The following IYD variants were observed in gnomAD, a reference collection of about 807,000 sequenced individuals.
The protein encoded by IYD is iodotyrosine deiodinase.
Under a neutral mutation model 28.4 loss-of-function variants are expected in IYD, and 25 were observed. The observed-to-expected ratio is 0.88, with a 90% CI of 0.64 to 1.23. The LOEUF is 1.23. Ranked by LOEUF, IYD falls within the 50% of genes most tolerant of loss-of-function variation. The pLI is 0.00. For missense variants in IYD, 352 were observed against 357.9 expected, an observed-to-expected ratio of 0.98 and a Z score of 0.13; for synonymous variants, 140 against 130.8, an observed-to-expected ratio of 1.07 and a Z score of -0.48.
intron 3 of IYD, among the ~76,000 whole-genome samples, chr6:150,393,060 G>A (rs978935873): frequency 6.6e-6 from 1 of 152,228 alleles, no homozygotes. Flanking sequence ...GGTTCATCCA[G>A]TGAGTCAGGA....
intron 1 of IYD, among the ~76,000 whole-genome samples, chr6:150,386,270 T>A (rs1291398277): frequency 6.6e-6 from 1 of 152,140 alleles, no homozygotes; most frequent in Non-Finnish European, 1.5e-5. Flanking sequence ...CCTCTAAATA[T>A]AATATGTTAA....
Position 150,388,630 on chromosome 6 carries a change from G to GCTTTCTTTCTTTCTTTCTTTCTTT in IYD, c.179-690_179-667dup, listed in dbSNP as rs71010894. On this transcript the variant is annotated intron_variant, in intron 1 of 4. Coordinates refer to ENST00000344419, the MANE Select transcript of IYD (RefSeq NM_203395.3). The stretch of plus-strand genomic sequence containing the variant: ...TCTAGATTTATAGTCTGGAGTTTTT[G>GCTTTCTTTCTTTCTTTCTTTCTTT]CTTTCTTTCTTTCTTTCTTTCTTTC... Among the ~76,000 whole-genome samples the GCTTTCTTTCTTTCTTTCTTTCTTT allele has an allele frequency of 8.6e-4, 111 of 129,392 alleles. 1 individual carries two copies. Among genetic ancestry groups the GCTTTCTTTCTTTCTTTCTTTCTTT allele is most frequent in the East Asian group, 3.4e-3 (14 of 4,156 alleles). 84.9% of individuals were successfully genotyped at this position (129,392 alleles called of 152,430 possible). A position where few individuals can be genotyped will look rare whatever the true frequency, so the allele number is the denominator to read the frequency against.
chr6:150,390,707 G>A (rs771552075), intron 2 of IYD, among the ~76,000 whole-genome samples: 3 of 152,256 alleles, frequency 2.0e-5, no homozygotes, highest in Non-Finnish European at 2.9e-5. Flanking sequence ...AGTCACTGTG[G>A]TCTCCCCTTG....
intron 1 of IYD, among the ~76,000 whole-genome samples, chr6:150,383,804 A>AAC (rs1353344838): frequency 5.1e-5 from 3 of 58,770 alleles, no homozygotes; most frequent in African/African-American, 3.0e-4. Flanking sequence ...AAAAAAAAAA[A>AAC]AAAACAAAAA....
At position 150,369,045 on chromosome 6, in the gene IYD, C is replaced by A; in HGVS notation, c.14C>A (p.Thr5Asn). The A allele has an allele frequency of 6.2e-7, 1 of 1,614,018 alleles. No homozygotes were observed. Among genetic ancestry groups the A allele is most frequent in the Non-Finnish European group, 8.5e-7 (1 of 1,179,974 alleles). MYFLTPILVAILCIL... is the reference protein window; with the variant it reads MYFLNPILVAILCIL... ...AGACTCCAGACCATGTATTTCCTGACTCCCATCTTGGTAGCCATTCTCTGC... is the reference window on the plus strand; with the variant it reads ...AGACTCCAGACCATGTATTTCCTGAATCCCATCTTGGTAGCCATTCTCTGC... The change falls in exon 1 of 5, where the codon ACT (threonine) becomes AAT (asparagine). Residue 5 changes from threonine to asparagine, a missense_variant. Thr to Asn is a moderately conservative substitution (Grantham distance 65). Coordinates refer to ENST00000344419, the MANE Select transcript of IYD (RefSeq NM_203395.3).
At chr6:150,388,630 GCTTTCTTTCTTT>G (rs71010894) in intron 1 of IYD, among the ~76,000 whole-genome samples, 99 of 129,404 alleles carry the variant, frequency 7.7e-4, no homozygotes, top group Middle Eastern at 3.8e-3. Flanking sequence ...TGGAGTTTTT[GCTTTCTTTCTTT>G]CTTTCTTTCT....
At chr6:150,376,086 C>T (rs1777434410) in intron 1 of IYD, among the ~76,000 whole-genome samples, 1 of 152,162 alleles carries the variant, frequency 6.6e-6, no homozygotes, top group Admixed American at 6.5e-5. Context: ...GATTCCTTGG[C>T]ATTAAAGCGA....
intron 1 of IYD, 47 bp from the exon 2 acceptor site, chr6:150,389,305 G>T: frequency 1.3e-6 from 2 of 1,487,450 alleles, no homozygotes; most frequent in South Asian, 2.3e-5. Flanking sequence ...GTCACCTTAT[G>T]ACCAAGGGAT....
Position 150,392,361 on chromosome 6 carries a change from G to C in IYD, c.387G>C (p.Gly129=). 1 of 1,613,470 alleles carries C rather than the reference G, an allele frequency of 6.2e-7. No individual in the cohort carries two copies. The change falls in exon 3 of 5, where the codon GGG becomes GGC. Residue 129 remains glycine (G), a synonymous_variant. Transcript: ENST00000344419. Reference sequence around the variant, plus strand: ...GGGTGACAGGAACAGCCCCGAGTGGGGCTCACACAGAGCCCTGGACCTTCG... The same window carrying C: ...GGGTGACAGGAACAGCCCCGAGTGGCGCTCACACAGAGCCCTGGACCTTCG... ...VIRTAGTAPS[G]AHTEPWTFVV...
At chr6:150,391,857 C>T (rs1227846193) in intron 2 of IYD, among the ~76,000 whole-genome samples, 2 of 151,730 alleles carry the variant, frequency 1.3e-5, no homozygotes, top group Non-Finnish European at 2.9e-5. Context: ...TACAGGCGCC[C>T]ACCACCACAC....
chr6:150,372,643 GT>G (rs1777305006), intron 1 of IYD, among the ~76,000 whole-genome samples: 1 of 46,072 alleles, frequency 2.2e-5, no homozygotes, highest in Non-Finnish European at 5.7e-5. Context: ...TATGGGTGGG[GT>G]GGGGGTGGTG....
Position 150,394,171 on chromosome 6 carries a change from C to T in IYD, c.603C>T (p.Phe201=), listed in dbSNP as rs531915010. 17 of 1,614,102 alleles carry T rather than the reference C, an allele frequency of 1.1e-5. No homozygotes were observed. Among genetic ancestry groups the T allele is most frequent in the South Asian group, 4.4e-5 (4 of 91,082 alleles). The stretch of plus-strand genomic sequence containing the variant: ...TCATTTTCAAACAAGTACATGGTTT[C>T]GCCGCAAATGGCAAGAAAAAAGTCC... ...LILIFKQVHG[F]AANGKKKVHY... is the part of the protein sequence containing the mutation. Residue 201 remains phenylalanine (F), a synonymous_variant, in exon 4 of 5, where the codon TTC becomes TTT. Coordinates refer to ENST00000344419, the MANE Select transcript of IYD (RefSeq NM_203395.3).
chr6:150,386,090 T>C (rs1171921814), intron 1 of IYD, among the ~76,000 whole-genome samples: 2 of 152,042 alleles, frequency 1.3e-5, no homozygotes, highest in Non-Finnish European at 2.9e-5. Context: ...TTTCTCCCTA[T>C]TGCATGTTTG....
At position 150,398,435 on chromosome 6, in the gene IYD, T is replaced by C; in HGVS notation, c.*198T>C. ...CCAGTCCCATAAATCCTGTTTCTTATCCACTTTGGAAATGCATGAACACTT... is the reference window on the plus strand; with the variant it reads ...CCAGTCCCATAAATCCTGTTTCTTACCCACTTTGGAAATGCATGAACACTT... On this transcript the variant is annotated 3_prime_UTR_variant, in exon 5 of 5. Coordinates refer to ENST00000344419, the MANE Select transcript of IYD (RefSeq NM_203395.3). The C allele has an allele frequency of 1.7e-6, 1 of 591,734 alleles. No individual in the cohort carries two copies. The allele number at this position is 591,734 out of a possible 1,614,324, so 36.7% of individuals were successfully genotyped here. A position where few individuals can be genotyped will look rare whatever the true frequency, so the allele number is the denominator to read the frequency against.
chr6:150,389,326 G>C, intron 1 of IYD, 26 bp from the exon 2 acceptor site: 2 of 1,593,860 alleles, frequency 1.3e-6, no homozygotes, highest in South Asian at 1.1e-5. Context: ...CATTTAGTTT[G>C]TTACCTTTCT....
chr6:150,393,358 G>T (rs1342596746), intron 3 of IYD, among the ~76,000 whole-genome samples: 1 of 152,196 alleles, frequency 6.6e-6, no homozygotes, highest in African/African-American at 2.4e-5. Flanking sequence ...GACTAAGCTG[G>T]TTGAAGTATG....
chr6:150,389,106 GC>G (rs1778013053), intron 1 of IYD, among the ~76,000 whole-genome samples: 1 of 152,176 alleles, frequency 6.6e-6, no homozygotes, highest in African/African-American at 2.4e-5. Context: ...CTGGGCTCAA[GC>G]GATCCTCTCA....
chr6:150,389,572 A>T, intron 2 of IYD, 29 bp downstream of exon 2: 1 of 1,579,210 alleles, frequency 6.3e-7, no homozygotes, highest in Non-Finnish European at 8.7e-7. Flanking sequence ...GGTCTTTGGA[A>T]ATGTTAGTCA....
intron 1 of IYD, chr6:150,369,857 A>G (rs1186191017): frequency 3.1e-6 from 2 of 648,310 alleles, no homozygotes; most frequent in South Asian, 1.7e-5. Flanking sequence ...TCAGGCAACA[A>G]GGAGCCAAAG....
Sources: gnomAD v4.1 joint callset for allele counts (sites outside exome capture counted in the v4.1 genomes callset) on GRCh38, gnomAD v4.1.1 for gene constraint, MANE v1.5 for transcripts, NCBI Gene and HGNC (gene_info 2026-07-23, HGNC 2026-07-21) for gene names.